The following E2F6 variants were observed in gnomAD, a reference collection of about 807,000 sequenced individuals.
E2F6 encodes transcription factor E2F6.
E2F6 carries 19 observed loss-of-function variants against 31.5 expected under a neutral mutation model. That is an observed-to-expected ratio of 0.60 (90% CI 0.42 to 0.89). The LOEUF is 0.89. Among genes scored for constraint, E2F6 ranks in the 40% least tolerant of loss-of-function variants. E2F6 has a pLI of 0.00. For missense variants in E2F6, 269 were observed against 341.6 expected, an observed-to-expected ratio of 0.79 and a Z score of 1.67; for synonymous variants, 121 against 127.7, an observed-to-expected ratio of 0.95 and a Z score of 0.36.
intron 1 of E2F6, among the ~76,000 whole-genome samples, chr2:11,457,603 A>C (rs970002566): frequency 1.3e-5 from 2 of 152,220 alleles, no homozygotes; most frequent in African/African-American, 4.8e-5. Context: ...AGCCTGGGCA[A>C]CACAGCAAGA....
chr2:11,454,284 GAA>G (rs1389142540), intron 2 of E2F6, among the ~76,000 whole-genome samples: 1 of 151,626 alleles, frequency 6.6e-6, no homozygotes, highest in Non-Finnish European at 1.5e-5. Flanking sequence ...GAATTTTTTT[GAA>G]AGAGCCCAAA....
intron 1 of E2F6, chr2:11,458,185 C>G: frequency 2.2e-6 from 3 of 1,352,448 alleles, no homozygotes; most frequent in Non-Finnish European, 3.1e-6. Flanking sequence ...TAAGAAAAAA[C>G]TGGCCATAAA....
rs760129228 is a variant in E2F6, at chr2:11,450,095, T to C, written c.568A>G (p.Ser190Gly). The C allele has an allele frequency of 1.2e-6, 2 of 1,613,074 alleles. No homozygotes were observed. The highest frequency in any genetic ancestry group is 2.7e-5 in the African/African-American group (2 of 74,906). ...LAYVTYQDIHSIQAFHEQIVI... is the reference protein window; with the variant it reads ...LAYVTYQDIHGIQAFHEQIVI... ...ATCTGTTCATGGAAGGCCTGAATGC[T>C]ATGAATGTCTTGATAGGTCACATAT... The change falls in exon 5 of 7, where the codon AGC (serine) becomes GGC (glycine). Residue 190 changes from serine to glycine, a missense_variant. Coordinates refer to ENST00000381525, the MANE Select transcript of E2F6 (RefSeq NM_198256.4).
At chr2:11,447,421 A>G (rs993728581) in intron 6 of E2F6, among the ~76,000 whole-genome samples, 1 of 152,180 alleles carries the variant, frequency 6.6e-6, no homozygotes, top group Non-Finnish European at 1.5e-5. Context: ...ACCAAACAGA[A>G]TTCTAAGTTT....
At chr2:11,464,148 A>G (rs1671973860) in intron 1 of E2F6, among the ~76,000 whole-genome samples, 1 of 151,954 alleles carries the variant, frequency 6.6e-6, no homozygotes, top group Admixed American at 6.6e-5. Flanking sequence ...CTTGGTTAGA[A>G]TGGTCTTACA....
intron 1 of E2F6, among the ~76,000 whole-genome samples, chr2:11,465,191 A>AG (rs780698016): frequency 3.5e-5 from 5 of 142,046 alleles, no homozygotes; most frequent in African/African-American, 1.1e-4. Context: ...AAAAAAAAAA[A>AG]AAAAAGAAAA....
intron 1 of E2F6, among the ~76,000 whole-genome samples, chr2:11,459,521 T>A (rs1024076700): frequency 3.3e-5 from 5 of 152,282 alleles, no homozygotes; most frequent in Middle Eastern, 3.4e-3. Context: ...AAAAACACTC[T>A]ATCTTGGAGG....
At chr2:11,457,438 C>CA (rs1404875407) in intron 1 of E2F6, among the ~76,000 whole-genome samples, 4 of 152,152 alleles carry the variant, frequency 2.6e-5, no homozygotes, top group Non-Finnish European at 5.9e-5. Flanking sequence ...GCCTGGCCAA[C>CA]ATGGTGAAAC....
At chr2:11,459,321 T>C (rs1671616836) in intron 1 of E2F6, among the ~76,000 whole-genome samples, 1 of 152,038 alleles carries the variant, frequency 6.6e-6, no homozygotes, top group Non-Finnish European at 1.5e-5. Context: ...TCCCTACCCA[T>C]CTCATCTAGA....
chr2:11,448,980 T>A (rs1240096018), intron 5 of E2F6, among the ~76,000 whole-genome samples: 1 of 152,168 alleles, frequency 6.6e-6, no homozygotes, highest in African/African-American at 2.4e-5. Context: ...AGAGGGCCCA[T>A]GTGCAGAGAC....
chr2:11,459,641 A>G (rs1314316069), intron 1 of E2F6, among the ~76,000 whole-genome samples: 1 of 151,932 alleles, frequency 6.6e-6, no homozygotes, highest in Non-Finnish European at 1.5e-5. Context: ...GGACTTTGGG[A>G]GGCGGGGTGG....
intron 1 of E2F6, among the ~76,000 whole-genome samples, chr2:11,457,501 T>C (rs1218572856): frequency 6.6e-6 from 1 of 152,168 alleles, no homozygotes; most frequent in East Asian, 1.9e-4. Context: ...CAGGCACCTG[T>C]AGTCCCAGCT....
In E2F6 at chr2:11,462,554, C is replaced by T. The variant is rs145610647; in HGVS notation, c.108+3218G>A. On this transcript the variant is annotated intron_variant, in intron 1 of 6. Coordinates refer to ENST00000381525, the MANE Select transcript of E2F6 (RefSeq NM_198256.4). ...TAGATCTTTTCACTTAAAGGAAGCA[C>T]TTCATCAATTCTCTTCAGCATACTG... Among the ~76,000 whole-genome samples, 3 of 152,262 alleles carry T rather than the reference C, an allele frequency of 2.0e-5. No individual in the cohort carries two copies. The East Asian group carries it at 5.8e-4, about 29-fold the overall frequency.
At chr2:11,456,856 T>G (rs948775973) in intron 2 of E2F6, among the ~76,000 whole-genome samples, 1 of 152,232 alleles carries the variant, frequency 6.6e-6, no homozygotes, top group East Asian at 1.9e-4. Context: ...TAGAGCCATT[T>G]ACATCCTATC....
chr2:11,445,129 T>A lies in E2F6; in HGVS notation c.*1348A>T, dbSNP rs1220848498. ...CTAAACACTCAGCATTATTTTTTAA[T>A]ACTTTGATTTTGGATTCCGATTTTA... is the stretch of plus-strand genomic sequence containing the variant. On this transcript the variant is annotated 3_prime_UTR_variant, in exon 7 of 7. Coordinates refer to ENST00000381525, the MANE Select transcript of E2F6 (RefSeq NM_198256.4). 1.3e-5 allele frequency: 2 copies of A among 152,230 alleles called. No individual in the cohort carries two copies. Among genetic ancestry groups the A allele is most frequent in the East Asian group, 3.8e-4 (2 of 5,198 alleles). 9.4% of individuals were successfully genotyped at this position (152,230 alleles called of 1,614,324 possible).
intron 1 of E2F6, among the ~76,000 whole-genome samples, chr2:11,461,042 G>A (rs1671745998): frequency 6.6e-6 from 1 of 152,062 alleles, no homozygotes; most frequent in Non-Finnish European, 1.5e-5. Flanking sequence ...AGGGGTGGCG[G>A]GGTGGGTCCT....
At chr2:11,461,249 A>G (rs1671760428) in intron 1 of E2F6, among the ~76,000 whole-genome samples, 1 of 151,802 alleles carries the variant, frequency 6.6e-6, no homozygotes, top group Non-Finnish European at 1.5e-5. Flanking sequence ...ATCTTCCCAC[A>G]TGATCCCATC....
chr2:11,452,820 T>G (rs980055065), intron 3 of E2F6, among the ~76,000 whole-genome samples: 2 of 152,218 alleles, frequency 1.3e-5, no homozygotes, highest in Non-Finnish European at 2.9e-5. Context: ...TAAAGTGTTT[T>G]TTAGTGTTAT....
chr2:11,450,227 T>C (rs1670977176), intron 4 of E2F6, 101 bp from the exon 5 acceptor site: 1 of 671,598 alleles, frequency 1.5e-6, no homozygotes, highest in Non-Finnish European at 2.4e-6. Flanking sequence ...AGAATGTTTT[T>C]AGTTTTTATG....
Sources: gnomAD v4.1 joint callset for allele counts (sites outside exome capture counted in the v4.1 genomes callset) on GRCh38, gnomAD v4.1.1 for gene constraint, MANE v1.5 for transcripts, NCBI Gene and HGNC (gene_info 2026-07-23, HGNC 2026-07-21) for gene names.